AOPEP: variants seen among roughly 807,000 people sequenced by gnomAD.
The protein encoded by AOPEP is aminopeptidase O.
Under a neutral mutation model 98.1 loss-of-function variants are expected in AOPEP, and 77 were observed. The ratio of observed to expected loss-of-function variants is 0.78; its 90% CI spans 0.65 to 0.95. The LOEUF is 0.95. AOPEP is among the 40% of genes least tolerant of loss of function. AOPEP has a pLI of 0.00. For synonymous variants in AOPEP, 346 were observed against 365.3 expected (o/e 0.95, Z 0.60); for missense variants, 1,024 against 1,024.7 (o/e 1.00, Z 0.01).
chr9:95,120,559 A>G, the AOPEP span, among the ~76,000 whole-genome samples: 1 of 151,888 alleles, frequency 6.6e-6, no homozygotes, highest in African/African-American at 2.4e-5. Flanking sequence ...GACTACAGGC[A>G]TGCATCACCA....
the AOPEP span, among the ~76,000 whole-genome samples, chr9:95,098,161 G>A: frequency 5.3e-5 from 8 of 152,248 alleles, no homozygotes; most frequent in South Asian, 2.1e-4. Context: ...TGCATCCGCC[G>A]TCCTCTGGGC....
chr9:94,856,747 T>A (rs567114003), intron 5 of AOPEP, among the ~76,000 whole-genome samples: 1 of 152,000 alleles, frequency 6.6e-6, no homozygotes, highest in Admixed American at 6.6e-5. Flanking sequence ...AAGCGACTCA[T>A]AGGATAGATT....
chr9:94,758,813 A>G (rs978611038), intron 1 of AOPEP, among the ~76,000 whole-genome samples: 6 of 152,230 alleles, frequency 3.9e-5, no homozygotes, highest in African/African-American at 9.7e-5. Flanking sequence ...CTAGTATACA[A>G]TAAGAATATA....
At chr9:94,987,355 T>G (rs548062879) in intron 11 of AOPEP, among the ~76,000 whole-genome samples, 2 of 152,302 alleles carry the variant, frequency 1.3e-5, no homozygotes, top group Middle Eastern at 3.4e-3. Context: ...AGGTGGAGAT[T>G]GTGGAGAAGG....
chr9:94,983,680 A>T (rs1008382313), intron 11 of AOPEP, among the ~76,000 whole-genome samples: 4 of 152,158 alleles, frequency 2.6e-5, no homozygotes, highest in Non-Finnish European at 5.9e-5. Flanking sequence ...GGCATTCTGG[A>T]GATTCGCCCG....
intron 2 of AOPEP, among the ~76,000 whole-genome samples, chr9:94,761,970 A>T (rs1234942863): frequency 6.6e-6 from 1 of 152,216 alleles, no homozygotes; most frequent in Non-Finnish European, 1.5e-5. Context: ...ATACTCCTAG[A>T]TATTTCAGTT....
the AOPEP span, among the ~76,000 whole-genome samples, chr9:95,093,129 G>T: frequency 6.6e-6 from 1 of 152,028 alleles, no homozygotes; most frequent in African/African-American, 2.4e-5. Flanking sequence ...TTTGATGATT[G>T]TATCTGCTTT....
chr9:94,922,344 GTGTC>G (rs143270561), intron 5 of AOPEP, among the ~76,000 whole-genome samples: 5,661 of 152,252 alleles, frequency 0.037, 130 homozygotes, highest in Admixed American at 0.068. Context: ...AAGGACGTGC[GTGTC>G]TGTCTTTCTG....
At chr9:94,775,040 G>T (rs1588147003) in intron 3 of AOPEP, among the ~76,000 whole-genome samples, 1 of 151,922 alleles carries the variant, frequency 6.6e-6, no homozygotes, top group African/African-American at 2.4e-5. Flanking sequence ...TTTAAAAAAA[G>T]ATATTAATTT....
chr9:94,833,346 TC>T (rs1362198490), intron 5 of AOPEP, among the ~76,000 whole-genome samples: 9 of 151,120 alleles, frequency 6.0e-5, no homozygotes, highest in African/African-American at 2.2e-4. Context: ...CAAGTGATTC[TC>T]CTGCCTCAGC....
intron 9 of AOPEP, among the ~76,000 whole-genome samples, chr9:94,959,086 C>T (rs1043073732): frequency 6.6e-6 from 1 of 152,018 alleles, no homozygotes; most frequent in East Asian, 1.9e-4. Context: ...CTCTGTCACC[C>T]AGGCTGGAGT....
chr9:95,099,771 G>T, the AOPEP span: 2 of 232,384 alleles, frequency 8.6e-6, no homozygotes, highest in African/African-American at 4.4e-5. Flanking sequence ...GGACTCGGCA[G>T]CTGTGAAGGA....
intron 9 of AOPEP, 101 bp downstream of exon 9, chr9:94,956,116 C>G: frequency 1.5e-6 from 1 of 682,430 alleles, no homozygotes; most frequent in Non-Finnish European, 2.5e-6. Context: ...AAAAGGTTTC[C>G]CATTTAATGC....
chr9:94,772,691 A>G (rs1841156173), intron 2 of AOPEP, among the ~76,000 whole-genome samples: 1 of 152,226 alleles, frequency 6.6e-6, no homozygotes, highest in African/African-American at 2.4e-5. Flanking sequence ...CCAGGGCCTG[A>G]GGGGAGGGGG....
In AOPEP at chr9:94,769,589, G is replaced by A. The variant is rs187380714; in HGVS notation, c.798-3413G>A. Among the ~76,000 whole-genome samples the A allele has an allele frequency of 3.3e-4, 50 of 152,322 alleles. 1 individual carries two copies. Among genetic ancestry groups the A allele is most frequent in the Admixed American group, 3.3e-4 (5 of 15,298 alleles). ...GACATGGGTATATTAATGGGGTGTG[G>A]CTTTTAGATTGCTAACTTGATCTAC... On this transcript the variant is annotated intron_variant, in intron 2 of 16. Transcript: ENST00000375315.
intron 5 of AOPEP, among the ~76,000 whole-genome samples, chr9:94,848,803 T>G (rs1465147780): frequency 1.3e-5 from 2 of 152,184 alleles, no homozygotes; most frequent in Non-Finnish European, 2.9e-5. Context: ...TTGTTTTATT[T>G]TTTGAGATGG....
downstream of AOPEP, among the ~76,000 whole-genome samples, chr9:95,090,417 G>A (rs2070850661): frequency 6.6e-6 from 1 of 152,204 alleles, no homozygotes; most frequent in South Asian, 2.1e-4. Context: ...TTTAAACCAT[G>A]TCCCCTGCTG....
At chr9:94,802,064 A>G (rs1848322665) in intron 5 of AOPEP, among the ~76,000 whole-genome samples, 1 of 152,164 alleles carries the variant, frequency 6.6e-6, no homozygotes, top group African/African-American at 2.4e-5. Flanking sequence ...TTTTTATCCT[A>G]TGTTTATGAA....
At chr9:95,029,064 G>A (rs1469944906) in intron 13 of AOPEP, among the ~76,000 whole-genome samples, 2 of 152,204 alleles carry the variant, frequency 1.3e-5, no homozygotes, top group Non-Finnish European at 2.9e-5. Flanking sequence ...GTGGCATTGA[G>A]CTGTCCTCGT....
Sources: gnomAD v4.1 joint callset for allele counts (sites outside exome capture counted in the v4.1 genomes callset) on GRCh38, gnomAD v4.1.1 for gene constraint, MANE v1.5 for transcripts, NCBI Gene and HGNC (gene_info 2026-07-23, HGNC 2026-07-21) for gene names.